KCNIP4: variants seen among roughly 807,000 people sequenced by gnomAD.
KCNIP4 encodes the protein Kv channel-interacting protein 4.
A neutral mutation model predicts 34.0 loss-of-function variants in KCNIP4; 12 were observed. The ratio of observed to expected loss-of-function variants is 0.35; its 90% CI spans 0.23 to 0.57. The LOEUF (loss-of-function observed/expected upper bound fraction) is 0.57. Among genes scored for constraint, KCNIP4 ranks in the 20% least tolerant of loss-of-function variants. KCNIP4 has a pLI of 0.83. For synonymous variants in KCNIP4, 124 were observed against 102.2 expected, an observed-to-expected ratio of 1.21 and a Z score of -1.29; for missense variants, 238 against 311.7, an observed-to-expected ratio of 0.76 and a Z score of 1.78.
intron 1 of KCNIP4, among the ~76,000 whole-genome samples, chr4:21,283,654 GA>G (rs1364725458): frequency 4.8e-5 from 5 of 104,988 alleles, no homozygotes; most frequent in Non-Finnish European, 3.6e-5. Context: ...ATTTCATGGG[GA>G]GGGGGGAGGG....
At chr4:21,823,922 C>G (rs546071010) in intron 1 of KCNIP4, among the ~76,000 whole-genome samples, 1 of 152,298 alleles carries the variant, frequency 6.6e-6, no homozygotes, top group African/African-American at 2.4e-5. Flanking sequence ...GAATGCATAT[C>G]TATACCTCTG....
chr4:21,494,015 T>C (rs369375005), intron 1 of KCNIP4, among the ~76,000 whole-genome samples: 4 of 152,338 alleles, frequency 2.6e-5, no homozygotes, highest in African/African-American at 9.6e-5. Context: ...TTTATAATCA[T>C]CATCTCCTTT....
At chr4:21,431,978 A>T (rs1166718640) in intron 1 of KCNIP4, among the ~76,000 whole-genome samples, 32 of 150,142 alleles carry the variant, frequency 2.1e-4, no homozygotes, top group Middle Eastern at 6.9e-3. Context: ...ATCAATAATA[A>T]TGGAGTGCAA....
intron 3 of KCNIP4, among the ~76,000 whole-genome samples, chr4:20,824,612 A>C (rs1269921474): frequency 6.6e-6 from 1 of 152,166 alleles, no homozygotes; most frequent in East Asian, 1.9e-4. Context: ...CCCTGGAGGC[A>C]GAGGTTGCAG....
intron 1 of KCNIP4, among the ~76,000 whole-genome samples, chr4:21,623,126 T>G (rs1745098007): frequency 6.6e-6 from 1 of 152,232 alleles, no homozygotes; most frequent in Non-Finnish European, 1.5e-5. Context: ...CGGCTTAATT[T>G]GAAATCATAA....
intron 1 of KCNIP4, among the ~76,000 whole-genome samples, chr4:21,322,245 T>A (rs1177585878): frequency 6.6e-6 from 1 of 152,134 alleles, no homozygotes; most frequent in Admixed American, 6.6e-5. Flanking sequence ...AAGAAATAGA[T>A]TTCTGGCAGT....
chr4:21,150,877 T>C (rs1752705398), intron 1 of KCNIP4, among the ~76,000 whole-genome samples: 1 of 152,236 alleles, frequency 6.6e-6, no homozygotes, highest in African/African-American at 2.4e-5. Flanking sequence ...AAGTTGGCCA[T>C]TATTTCTTGT....
At chr4:21,304,970 TA>T (rs11321134) in intron 1 of KCNIP4, among the ~76,000 whole-genome samples, 40,497 of 149,548 alleles carry the variant, frequency 0.27, 6,299 homozygotes, top group African/African-American at 0.43. Flanking sequence ...AGTTTGAGAA[TA>T]AAAAAAAAAA....
chr4:21,213,840 G>A (rs367656238), intron 1 of KCNIP4, among the ~76,000 whole-genome samples: 11 of 151,976 alleles, frequency 7.2e-5, no homozygotes, highest in South Asian at 2.1e-4. Context: ...TCTTTCATCC[G>A]TCTCCCAGGA....
intron 1 of KCNIP4, among the ~76,000 whole-genome samples, chr4:21,559,095 A>C (rs1447213698): frequency 6.6e-6 from 1 of 152,128 alleles, no homozygotes; most frequent in Non-Finnish European, 1.5e-5. Flanking sequence ...AAGTTTTCTA[A>C]GCCTCAGTTT....
intron 1 of KCNIP4, among the ~76,000 whole-genome samples, chr4:21,807,639 C>A (rs6448092): frequency 0.36 from 55,053 of 152,020 alleles, 11,396 homozygotes; most frequent in East Asian, 0.65. Flanking sequence ...TGAGAACATT[C>A]CACAATGTGT....
At chr4:21,351,137 A>C (rs1578114457) in intron 1 of KCNIP4, among the ~76,000 whole-genome samples, 1 of 152,174 alleles carries the variant, frequency 6.6e-6, no homozygotes, top group South Asian at 2.1e-4. Flanking sequence ...CTTCTGGTAA[A>C]TTAAAATGTA....
At chr4:21,453,984 G>C (rs1451219385) in intron 1 of KCNIP4, among the ~76,000 whole-genome samples, 1 of 151,984 alleles carries the variant, frequency 6.6e-6, no homozygotes. Context: ...AGCATCAACT[G>C]AGTCAAGTCA....
At chr4:20,732,902 T>C (rs1748683298) in intron 6 of KCNIP4, 117 bp from the exon 7 acceptor site, 2 of 640,090 alleles carry the variant, frequency 3.1e-6, no homozygotes, top group Non-Finnish European at 2.7e-6. Flanking sequence ...GTTTGTTGGA[T>C]TCTTTGTTAG....
chr4:21,208,803 C>T (rs767562129), intron 1 of KCNIP4, among the ~76,000 whole-genome samples: 12 of 152,162 alleles, frequency 7.9e-5, no homozygotes, highest in Non-Finnish European at 1.3e-4. Flanking sequence ...ACTCATAGTT[C>T]AGCATGGCTC....
intron 1 of KCNIP4, among the ~76,000 whole-genome samples, chr4:20,982,667 A>C (rs1736178069): frequency 6.6e-6 from 1 of 152,230 alleles, no homozygotes; most frequent in Non-Finnish European, 1.5e-5. Flanking sequence ...TGTAGAATAA[A>C]AGGACTTTCT....
At position 21,778,380 on chromosome 4, in the gene KCNIP4, G is replaced by T. The variant is rs368566327; in HGVS notation, c.61+170191C>A. Among the ~76,000 whole-genome samples, 38 of 151,206 alleles carry T rather than the reference G, an allele frequency of 2.5e-4. No homozygotes were observed. The South Asian group carries it at 5.6e-3, about 22-fold the overall frequency. On this transcript the variant is annotated intron_variant, in intron 1 of 8. Coordinates refer to ENST00000382152, the MANE Select transcript of KCNIP4 (RefSeq NM_025221.6). The stretch of plus-strand genomic sequence containing the variant: ...CTCCTGAGTAGCTGGGACCACAGGT[G>T]CACGCCACCACACTGAGCAATGAAA...
intron 1 of KCNIP4, among the ~76,000 whole-genome samples, chr4:21,065,800 A>G (rs1744329650): frequency 6.8e-6 from 1 of 147,204 alleles, no homozygotes; most frequent in Non-Finnish European, 1.5e-5. Flanking sequence ...GTAAAAGCAA[A>G]CATCACATGA....
chr4:21,167,497 T>C (rs181161972), intron 1 of KCNIP4, among the ~76,000 whole-genome samples: 1 of 152,334 alleles, frequency 6.6e-6, no homozygotes, highest in Admixed American at 6.5e-5. Flanking sequence ...GAGATAGTTT[T>C]GGCATGGAAT....
Sources: allele counts gnomAD v4.1 joint callset (sites outside exome capture counted in the v4.1 genomes callset), GRCh38; gene constraint gnomAD v4.1.1; transcripts MANE v1.5; gene names NCBI Gene and HGNC (gene_info 2026-07-23, HGNC 2026-07-21).